CEP112: variants seen among roughly 807,000 people sequenced by gnomAD.
CEP112 encodes centrosomal protein 112.
In CEP112, 127 loss-of-function variants were observed where a neutral mutation model predicts 153.0. That is an observed-to-expected ratio of 0.83 (90% CI 0.72 to 0.96). The LOEUF is 0.96. CEP112 is among the 40% of genes least tolerant of loss of function. The probability of loss-of-function intolerance (pLI) is 0.00; values close to 1 mark genes in which losing one functional copy is unlikely to be tolerated. For synonymous variants in CEP112, 358 were observed against 374.4 expected (o/e 0.96, Z 0.51); for missense variants, 1,089 against 1,101.2 (o/e 0.99, Z 0.16).
intron 17 of CEP112, among the ~76,000 whole-genome samples, chr17:65,962,602 G>A (rs962690137): frequency 6.6e-6 from 1 of 152,194 alleles, no homozygotes; most frequent in African/African-American, 2.4e-5. Context: ...ATTTTATATG[G>A]TTTGGCTCTG....
At chr17:65,821,555 TTTTTTTTTTTTTC>T (rs2056583965) in intron 21 of CEP112, among the ~76,000 whole-genome samples, 1 of 105,768 alleles carries the variant, frequency 9.5e-6, no homozygotes, top group African/African-American at 3.6e-5. Context: ...TTTTTTTTTT[TTTTTTTTTTTTTC>T]TGAGACGGAG....
At chr17:65,941,602 ATTCAAC>A (rs1356218545) in intron 18 of CEP112, 1 of 152,210 alleles carries the variant, frequency 6.6e-6, no homozygotes, top group Non-Finnish European at 1.5e-5. Flanking sequence ...TCTGTATTCC[ATTCAAC>A]TTCAAGTAAA....
At chr17:66,094,664 T>C (rs1415933632) in intron 8 of CEP112, among the ~76,000 whole-genome samples, 1 of 151,882 alleles carries the variant, frequency 6.6e-6, no homozygotes, top group East Asian at 1.9e-4. Context: ...TATATCAAAC[T>C]AAAAAGCTTC....
At chr17:65,668,192 G>C (rs1317184338) in intron 24 of CEP112, among the ~76,000 whole-genome samples, 1 of 152,038 alleles carries the variant, frequency 6.6e-6, no homozygotes, top group Non-Finnish European at 1.5e-5. Context: ...CACTGCGCCC[G>C]GCCTCCTTGG....
At chr17:65,991,712 C>T (rs1442847807) in intron 17 of CEP112, among the ~76,000 whole-genome samples, 2 of 152,044 alleles carry the variant, frequency 1.3e-5, no homozygotes, top group Non-Finnish European at 2.9e-5. Context: ...TTGCAGGCTT[C>T]CTTTTAGGCT....
intron 19 of CEP112, among the ~76,000 whole-genome samples, chr17:65,916,500 T>C (rs935222313): frequency 6.6e-6 from 1 of 152,068 alleles, no homozygotes; most frequent in African/African-American, 2.4e-5. Context: ...AAAGAAGGAA[T>C]AATGAGTTAG....
intron 18 of CEP112, among the ~76,000 whole-genome samples, chr17:65,959,680 A>G (rs989890118): frequency 3.9e-5 from 6 of 152,160 alleles, no homozygotes; most frequent in African/African-American, 7.2e-5. Context: ...TTCCCCAGTG[A>G]CAGTTGTGGA....
intron 20 of CEP112, among the ~76,000 whole-genome samples, chr17:65,895,982 C>T (rs1019047295): frequency 2.0e-5 from 3 of 152,006 alleles, no homozygotes; most frequent in African/African-American, 7.2e-5. Flanking sequence ...TCTTCAAGAA[C>T]AATTTTAATA....
intron 24 of CEP112, among the ~76,000 whole-genome samples, chr17:65,653,082 T>C (rs1010045275): frequency 6.6e-5 from 10 of 152,130 alleles, no homozygotes; most frequent in Non-Finnish European, 1.2e-4. Context: ...CATGACCTCA[T>C]CTAGATCTAA....
chr17:66,161,370 G>C (rs2071696742), intron 4 of CEP112, among the ~76,000 whole-genome samples: 1 of 152,052 alleles, frequency 6.6e-6, no homozygotes, highest in Admixed American at 6.6e-5. Flanking sequence ...CTACTATAAA[G>C]ATACATGCAC....
intron 19 of CEP112, among the ~76,000 whole-genome samples, chr17:65,918,337 C>T (rs1034217467): frequency 6.6e-6 from 1 of 152,170 alleles, no homozygotes. Flanking sequence ...CTTAAAATTT[C>T]CTACTTGCTT....
chr17:65,902,084 G>A lies in CEP112; in HGVS notation c.2163+68C>T. 6 of 1,031,518 alleles carry A rather than the reference G, an allele frequency of 5.8e-6. No homozygotes were observed. In the South Asian group the frequency reaches 8.5e-5, roughly 15 times the overall value. 63.9% of individuals were successfully genotyped at this position (1,031,518 alleles called of 1,614,324 possible). On this transcript the variant is annotated intron_variant, in intron 20 of 26. Transcript: ENST00000535342. Reference sequence around the variant, plus strand: ...CAGCGTGCATCAATAAGAATAATAAGAAAACATTAAACGCTGATGACTTTT... The same window carrying A: ...CAGCGTGCATCAATAAGAATAATAAAAAAACATTAAACGCTGATGACTTTT...
chr17:66,074,867 A>AG (rs71160530), intron 8 of CEP112, among the ~76,000 whole-genome samples: 1 of 149,850 alleles, frequency 6.7e-6, no homozygotes, highest in East Asian at 1.9e-4. Flanking sequence ...GTCTAAAAAA[A>AG]AAAAAGAAAA....
intron 21 of CEP112, among the ~76,000 whole-genome samples, chr17:65,819,073 T>A (rs2145980663): frequency 6.6e-6 from 1 of 152,030 alleles, no homozygotes; most frequent in Non-Finnish European, 1.5e-5. Flanking sequence ...AAATAATGAC[T>A]TTTAAAAGTT....
intron 20 of CEP112, among the ~76,000 whole-genome samples, chr17:65,895,155 T>A (rs1941329898): frequency 6.6e-6 from 1 of 152,092 alleles, no homozygotes; most frequent in African/African-American, 2.4e-5. Flanking sequence ...GCTTTCTGAA[T>A]CTTTCTTCAT....
At chr17:65,810,276 C>A (rs925491477) in intron 21 of CEP112, among the ~76,000 whole-genome samples, 1 of 151,868 alleles carries the variant, frequency 6.6e-6, no homozygotes, top group Non-Finnish European at 1.5e-5. Context: ...AATATATACC[C>A]CCCTCCCTAT....
At chr17:65,758,082 C>T (rs995754220) in intron 21 of CEP112, among the ~76,000 whole-genome samples, 1 of 152,142 alleles carries the variant, frequency 6.6e-6, no homozygotes, top group African/African-American at 2.4e-5. Flanking sequence ...GATCCCTCAG[C>T]ATCGCAAGTA....
rs148610505 is a variant in CEP112, at chr17:66,109,094, G to A, written c.643-12462C>T. Among the ~76,000 whole-genome samples the A allele has an allele frequency of 4.3e-3, 651 of 152,240 alleles. 6 individuals carry two copies. Among genetic ancestry groups the A allele is most frequent in the African/African-American group, 0.015 (625 of 41,570 alleles). On this transcript the variant is annotated intron_variant, in intron 6 of 26. Transcript: ENST00000535342. ...AGTTGAACTCTGCAGATCGACAGTA[G>A]GATGATGGTTCACAGAGGTTGGGAA...
chr17:66,144,459 G>A (rs1194441050), intron 4 of CEP112, among the ~76,000 whole-genome samples: 8 of 152,090 alleles, frequency 5.3e-5, no homozygotes, highest in Admixed American at 2.6e-4. Context: ...TTGGGAGGCC[G>A]AGGCAGGCAG....
Sources: allele counts gnomAD v4.1 joint callset (sites outside exome capture counted in the v4.1 genomes callset), GRCh38; gene constraint gnomAD v4.1.1; transcripts MANE v1.5; gene names NCBI Gene and HGNC (gene_info 2026-07-23, HGNC 2026-07-21).